FMO3: variants seen among roughly 807,000 people sequenced by gnomAD.
The protein encoded by FMO3 is flavin-containing monooxygenase 3.
A neutral mutation model predicts 39.4 loss-of-function variants in FMO3; 40 were observed. The observed-to-expected ratio is 1.02, with a 90% CI of 0.79 to 1.32. FMO3 has a LOEUF of 1.32. Among genes scored for constraint, FMO3 ranks in the 40% most tolerant of loss-of-function variants. The pLI, the probability that FMO3 is intolerant of heterozygous loss-of-function variation, is 0.00. For missense variants in FMO3, 680 were observed against 651.8 expected, an observed-to-expected ratio of 1.04 and a Z score of -0.47; for synonymous variants, 219 against 228.8, an observed-to-expected ratio of 0.96 and a Z score of 0.39.
chr1:171,108,510 G>A (rs966488377), intron 5 of FMO3, among the ~76,000 whole-genome samples: 4 of 152,146 alleles, frequency 2.6e-5, no homozygotes, highest in Admixed American at 6.5e-5. Flanking sequence ...CAGATTTAGG[G>A]TGAAGGTTAT....
intron 2 of FMO3, among the ~76,000 whole-genome samples, chr1:171,095,227 T>C (rs1441611981): frequency 6.6e-6 from 1 of 152,176 alleles, no homozygotes; most frequent in Non-Finnish European, 1.5e-5. Context: ...GGACCATGGA[T>C]TTTAAAGTTT....
At chr1:171,095,547 G>A (rs1327875715) in intron 2 of FMO3, among the ~76,000 whole-genome samples, 1 of 151,020 alleles carries the variant, frequency 6.6e-6, no homozygotes, top group East Asian at 1.9e-4. Flanking sequence ...CTCCTCAAAT[G>A]CAAAATCAGT....
rs557092947 is a variant in FMO3 at position 171,103,971 on chromosome 1, A to G, written c.319A>G (p.Lys107Glu). The change falls in exon 3 of 9, where the codon AAG becomes GAG. Residue 107 changes from lysine (K) to glutamate (E), a missense_variant and splice_region_variant. By Grantham distance (56) the Lys-to-Glu change is moderately conservative. Transcript: ENST00000367755. ...EKNLLKYIQF[K>E]TFVSSVNKHP... ...GAACCTCCTGAAGTACATACAATTTAAGGTAAGATGTTATCAACAATTTAG... is the reference window on the plus strand; with the variant it reads ...GAACCTCCTGAAGTACATACAATTTGAGGTAAGATGTTATCAACAATTTAG... 4.4e-6 allele frequency: 7 copies of G among 1,606,334 alleles called. 1 individual carries two copies. The African/African-American group carries it at 9.3e-5, about 21-fold the overall frequency.
At chr1:171,116,706 G>T (rs1045783194) in intron 8 of FMO3, among the ~76,000 whole-genome samples, 3 of 152,146 alleles carry the variant, frequency 2.0e-5, no homozygotes, top group African/African-American at 7.2e-5. Flanking sequence ...AGAAAAGTGA[G>T]AATGAATCTG....
In FMO3 at chr1:171,107,686, C is replaced by T; in HGVS notation, c.333C>T (p.Ser111=). The T allele has an allele frequency of 6.2e-7, 1 of 1,612,316 alleles. No homozygotes were observed. The highest frequency in any genetic ancestry group is 8.5e-7 in the Non-Finnish European group (1 of 1,178,600). The stretch of plus-strand genomic sequence containing the variant: ...TGTATTTCTCTTAGACATTTGTATC[C>T]AGTGTAAATAAACATCCTGATTTTG... ...LKYIQFKTFV[S]SVNKHPDFAT... The change falls in exon 4 of 9, where the codon TCC becomes TCT. Residue 111 remains serine (S), a synonymous_variant. Transcript: ENST00000367755.
At chr1:171,098,968 TA>T (rs1390295618) in intron 2 of FMO3, among the ~76,000 whole-genome samples, 1 of 152,052 alleles carries the variant, frequency 6.6e-6, no homozygotes. Flanking sequence ...ATATCTTCTC[TA>T]GTTCTTTTAA....
intron 2 of FMO3, among the ~76,000 whole-genome samples, chr1:171,096,761 T>G (rs1247218312): frequency 7.4e-6 from 1 of 134,492 alleles, no homozygotes; most frequent in Non-Finnish European, 1.5e-5. Flanking sequence ...ATATTAAAAA[T>G]ATATAATTAA....
At chr1:171,101,631 GT>G in intron 2 of FMO3, 1 of 467,236 alleles carries the variant, frequency 2.1e-6, no homozygotes. Context: ...TGTTGGAGCT[GT>G]TTACTACAGC....
intron 5 of FMO3, 21 bp downstream of exon 5, chr1:171,108,242 G>C (rs762128477): frequency 1.9e-6 from 3 of 1,613,390 alleles, no homozygotes; most frequent in Non-Finnish European, 2.5e-6. Flanking sequence ...CCGGGTACTC[G>C]GGTGACTCTC....
chr1:171,091,155 G>A (rs28363521), intron 1 of FMO3, among the ~76,000 whole-genome samples, 174 bp downstream of exon 1: 2 of 149,920 alleles, frequency 1.3e-5, no homozygotes, highest in African/African-American at 2.5e-5. Context: ...GAATCTGGGA[G>A]GCAGAGGTTG....
chr1:171,109,901 T>C (rs28363559), intron 5 of FMO3, among the ~76,000 whole-genome samples: 4 of 152,110 alleles, frequency 2.6e-5, no homozygotes, highest in Admixed American at 2.0e-4. Context: ...TGATATGGCA[T>C]ATAAAAATTG....
rs72549323 is a variant in FMO3, at chr1:171,103,850, G to A, written c.198G>A (p.Met66Ile). 6.2e-7 allele frequency: 1 copy of A among 1,613,862 alleles called. No individual in the cohort carries two copies. The highest frequency in any genetic ancestry group is 1.3e-5 in the African/African-American group (1 of 75,040). ...TCTTTTCCAACTCTTCCAAAGAGAT[G>A]ATGTGTTTCCCAGACTTCCCATTTC... Reference protein sequence around the residue: ...KSVFSNSSKEMMCFPDFPFPD... With the variant: ...KSVFSNSSKEIMCFPDFPFPD... The change falls in exon 3 of 9, where the codon ATG becomes ATA. Residue 66 changes from methionine to isoleucine, a missense_variant. Transcript: ENST00000367755.
At chr1:171,111,972 T>A (rs1655933183) in intron 6 of FMO3, among the ~76,000 whole-genome samples, 1 of 152,116 alleles carries the variant, frequency 6.6e-6, no homozygotes, top group African/African-American at 2.4e-5. Flanking sequence ...CAATTTCCAA[T>A]AGAGTCCTCA....
chr1:171,111,499 G>T (rs886595032), intron 6 of FMO3, among the ~76,000 whole-genome samples: 36 of 152,120 alleles, frequency 2.4e-4, no homozygotes, highest in African/African-American at 8.7e-4. Flanking sequence ...TCTACTACCT[G>T]TCACTTAATG....
chr1:171,101,107 G>T, intron 2 of FMO3: 1 of 456,148 alleles, frequency 2.2e-6, no homozygotes, highest in Non-Finnish European at 4.4e-6. Context: ...GCGTACAAGA[G>T]GGGTCTTGCC....
In FMO3 at chr1:171,097,867, G is replaced by T. The variant is rs28866833; in HGVS notation, c.132+5077G>T. Among the ~76,000 whole-genome samples, 40 of 151,902 alleles carry T rather than the reference G, an allele frequency of 2.6e-4. 1 individual carries two copies. The highest frequency in any genetic ancestry group is 8.2e-4 in the African/African-American group (34 of 41,414). ...TATTTTAGACATGAAGTCCTTGCCC[G>T]TGCCTATGTCCTGAATGGTAATGCC... On this transcript the variant is annotated intron_variant, in intron 2 of 8. Transcript: ENST00000367755.
intron 1 of FMO3, among the ~76,000 whole-genome samples, chr1:171,091,731 C>G (rs894998009): frequency 1.3e-5 from 2 of 151,970 alleles, no homozygotes; most frequent in African/African-American, 4.8e-5. Context: ...CCCAGAGTAG[C>G]TGGGACTATA....
At position 171,101,606 on chromosome 1, in the gene FMO3, G is replaced by A. The variant is rs113996326; in HGVS notation, c.133-2179G>A. The A allele has an allele frequency of 1.7e-3, 779 of 458,840 alleles. 8 individuals are homozygous for A. The highest frequency in any genetic ancestry group is 0.014 in the African/African-American group (677 of 50,092). 28.4% of individuals were successfully genotyped at this position (458,840 alleles called of 1,614,324 possible). A position where few individuals can be genotyped will look rare whatever the true frequency, so the allele number is the denominator to read the frequency against. On this transcript the variant is annotated intron_variant, in intron 2 of 8. Transcript: ENST00000367755. ...TTAAAACTTAGCTAACACTAAGGGT[G>A]CATATAGTTGAAACTGTTGGAGCTG...
At chr1:171,103,335 A>C (rs1025332553) in intron 2 of FMO3, among the ~76,000 whole-genome samples, 1 of 152,210 alleles carries the variant, frequency 6.6e-6, no homozygotes, top group Non-Finnish European at 1.5e-5. Context: ...ATTAGCATCA[A>C]TTGTTGAAGT....
Sources: allele counts gnomAD v4.1 joint callset (sites outside exome capture counted in the v4.1 genomes callset), GRCh38; gene constraint gnomAD v4.1.1; transcripts MANE v1.5; gene names NCBI Gene and HGNC (gene_info 2026-07-23, HGNC 2026-07-21).